The following AFF2 variants were observed in gnomAD, a reference collection of about 807,000 sequenced individuals.
AFF2 encodes AF4/FMR2 family member 2.
Under a neutral mutation model 76.9 loss-of-function variants are expected in AFF2, and 14 were observed. The observed-to-expected ratio is 0.18, with a 90% CI of 0.12 to 0.28. AFF2 has a LOEUF of 0.28. Ranked by LOEUF, AFF2 falls within the 10% of genes least tolerant of loss-of-function variation. The probability of loss-of-function intolerance (pLI) is 1.00; values close to 1 mark genes in which losing one functional copy is unlikely to be tolerated. For synonymous variants in AFF2, 398 were observed against 366.7 expected (o/e 1.09, Z -0.98); for missense variants, 868 against 1,001.1 (o/e 0.87, Z 1.79).
At chrX:148,725,280 T>G (rs2055142867) in intron 3 of AFF2, among the ~76,000 whole-genome samples, 1 of 111,131 alleles carries the variant, frequency 9.0e-6, no homozygotes, top group Admixed American at 9.6e-5. Context: ...CCACATCAAC[T>G]GAACTCTCTT....
chrX:148,784,483 C>T (rs192991221), intron 3 of AFF2, among the ~76,000 whole-genome samples: 35 of 111,886 alleles, frequency 3.1e-4, no homozygotes, highest in African/African-American at 9.1e-4. Flanking sequence ...TACAGGCTGG[C>T]AGCATTATGG....
At chrX:148,723,323 A>C (rs2055116921) in intron 3 of AFF2, among the ~76,000 whole-genome samples, 1 of 111,480 alleles carries the variant, frequency 9.0e-6, no homozygotes, top group African/African-American at 3.3e-5. Flanking sequence ...ACATACAAAC[A>C]CTTTGATAAG....
At chrX:148,898,250 C>T (rs2071316436) in intron 8 of AFF2, among the ~76,000 whole-genome samples, 1 of 111,826 alleles carries the variant, frequency 8.9e-6, no homozygotes, top group South Asian at 3.8e-4. Flanking sequence ...TATTCAGTGG[C>T]TGTTCAACTG....
chrX:148,539,458 G>A (rs1345757483), intron 1 of AFF2, among the ~76,000 whole-genome samples: 1 of 110,934 alleles, frequency 9.0e-6, no homozygotes, highest in Non-Finnish European at 1.9e-5. Context: ...CATTATACAG[G>A]CAAATAATAA....
chrX:148,544,415 ACT>A (rs781928563), intron 1 of AFF2, among the ~76,000 whole-genome samples: 49 of 105,401 alleles, frequency 4.6e-4, no homozygotes, highest in Admixed American at 7.1e-4. Flanking sequence ...CCCTGCTTTC[ACT>A]CTCTCTCTCT....
chrX:148,918,336 T>A (rs1557282853), intron 9 of AFF2, among the ~76,000 whole-genome samples: 2 of 112,056 alleles, frequency 1.8e-5, no homozygotes, highest in African/African-American at 6.5e-5. Flanking sequence ...CTCGCGGTAG[T>A]TTTTATTTCA....
chrX:148,728,860 C>T (rs781837728), intron 3 of AFF2, among the ~76,000 whole-genome samples: 1 of 111,986 alleles, frequency 8.9e-6, no homozygotes, highest in South Asian at 3.7e-4. Context: ...AACAGGTTCC[C>T]CCTGCTTAGG....
intron 3 of AFF2, among the ~76,000 whole-genome samples, chrX:148,665,470 T>G (rs2054348714): frequency 9.0e-6 from 1 of 111,283 alleles, no homozygotes; most frequent in African/African-American, 3.3e-5. Flanking sequence ...CAAGGAAGGA[T>G]TTGACAGAAG....
chrX:148,966,847 A>G lies in AFF2; in HGVS notation c.2971A>G (p.Ile991Val). ...SATITVTNTA[I>V]ATATVTATAI... Reference sequence around the variant, plus strand: ...CACCATCACTGTCACCAATACTGCTATTGCCACTGCTACTGTCACTGCTAC... The same window carrying G: ...CACCATCACTGTCACCAATACTGCTGTTGCCACTGCTACTGTCACTGCTAC... Residue 991 changes from isoleucine (I) to valine (V), a missense_variant, in exon 14 of 21, where the codon ATT (isoleucine) becomes GTT (valine). By Grantham distance (29) the Ile-to-Val change is conservative. Around this residue, in one of 6 missense-constraint regions of AFF2, gnomAD observed 532 missense variants for 564.2 expected, o/e 0.94. Coordinates refer to ENST00000370460, the MANE Select transcript of AFF2 (RefSeq NM_002025.4). 8.3e-7 allele frequency: 1 copy of G among 1,211,194 alleles called. No homozygotes were observed. The highest frequency in any genetic ancestry group is 1.1e-6 in the Non-Finnish European group (1 of 895,446).
At chrX:148,849,913 G>A (rs1470669155) in intron 7 of AFF2, among the ~76,000 whole-genome samples, 1 of 111,741 alleles carries the variant, frequency 8.9e-6, no homozygotes, top group African/African-American at 3.3e-5. Flanking sequence ...GGCCAAAATG[G>A]ACTAACCACA....
At chrX:148,628,319 A>T (rs1219906407) in intron 1 of AFF2, among the ~76,000 whole-genome samples, 1 of 111,380 alleles carries the variant, frequency 9.0e-6, no homozygotes, top group Non-Finnish European at 1.9e-5. Flanking sequence ...TTAATGTAAT[A>T]TACCAAAAAA....
At chrX:148,724,617 T>C (rs1438292463) in intron 3 of AFF2, among the ~76,000 whole-genome samples, 4 of 112,014 alleles carry the variant, frequency 3.6e-5, no homozygotes, top group Non-Finnish European at 7.5e-5. Context: ...AGGCACTGAG[T>C]AACAGAGAGG....
At chrX:148,965,465 G>A (rs1224462737) in intron 13 of AFF2, among the ~76,000 whole-genome samples, 2 of 111,476 alleles carry the variant, frequency 1.8e-5, no homozygotes, top group Admixed American at 9.5e-5. Context: ...AGGAAAGGTG[G>A]GGAGTCTCTA....
chrX:148,958,062 A>G (rs1312651253), intron 11 of AFF2, among the ~76,000 whole-genome samples: 1 of 111,464 alleles, frequency 9.0e-6, no homozygotes, highest in Non-Finnish European at 1.9e-5. Context: ...GATTCTCTTT[A>G]CTTTTGTTGT....
chrX:148,843,040 C>A, intron 6 of AFF2, 38 bp downstream of exon 6: 2 of 1,115,135 alleles, frequency 1.8e-6, no homozygotes, highest in Middle Eastern at 2.4e-4. Context: ...TCCAAACATC[C>A]ATGTCCTCTG....
Position 148,949,987 on chromosome X carries a change from T to C in AFF2, c.1398-3593T>C, listed in dbSNP as rs192387634. ...CTTTCATGTACATCTGGAAAATAAA[T>C]TAGTAACGTATGAAAATAAATGTAG... On this transcript the variant is annotated intron_variant, in intron 9 of 20. Coordinates refer to ENST00000370460, the MANE Select transcript of AFF2 (RefSeq NM_002025.4). Among the ~76,000 whole-genome samples the C allele has an allele frequency of 2.7e-5, 3 of 112,443 alleles. No individual in the cohort carries two copies. In the East Asian group the frequency reaches 8.4e-4, roughly 31 times the overall value.
chrX:148,771,729 A>G (rs1405892194), intron 3 of AFF2, among the ~76,000 whole-genome samples: 2 of 112,545 alleles, frequency 1.8e-5, no homozygotes, highest in Non-Finnish European at 3.8e-5. Context: ...ATGGAAATCA[A>G]TGTTACAAAG....
intron 3 of AFF2, among the ~76,000 whole-genome samples, chrX:148,761,754 T>C (rs1340878678): frequency 9.0e-6 from 1 of 110,609 alleles, no homozygotes; most frequent in Non-Finnish European, 1.9e-5. Flanking sequence ...ATGCCTAGCA[T>C]AGTGCCTGTT....
At chrX:148,738,142 A>C (rs1467701547) in intron 3 of AFF2, among the ~76,000 whole-genome samples, 2 of 111,402 alleles carry the variant, frequency 1.8e-5, no homozygotes, top group African/African-American at 6.5e-5. Flanking sequence ...AGAATGAATT[A>C]GGGAGGGTTC....
Sources: gnomAD v4.1 joint callset for allele counts (sites outside exome capture counted in the v4.1 genomes callset) on GRCh38, gnomAD v4.1.1 for gene constraint, gnomAD v4.1.1 regional missense constraint, MANE v1.5 for transcripts, NCBI Gene and HGNC (gene_info 2026-07-23, HGNC 2026-07-21) for gene names.